Variants in STPG2 observed in about 807,000 individuals in gnomAD.
STPG2 encodes the protein sperm tail PG-rich repeat containing 2, also known as sperm-tail PG-rich repeat-containing protein 2.
In STPG2, 56 loss-of-function variants were observed where a neutral mutation model predicts 54.2. That is an observed-to-expected ratio of 1.03 (90% confidence interval 0.83 to 1.29). STPG2 has a LOEUF of 1.29. STPG2 is among the 50% of genes most tolerant of loss of function. The pLI is 0.00. For synonymous variants in STPG2, 200 were observed against 181.8 expected, an observed-to-expected ratio of 1.10 and a Z score of -0.81; for missense variants, 596 against 544.9, an observed-to-expected ratio of 1.09 and a Z score of -0.93.
intron 4 of STPG2, among the ~76,000 whole-genome samples, chr4:97,492,662 T>A (rs1730527410): frequency 6.6e-6 from 1 of 150,904 alleles, no homozygotes. Flanking sequence ...TTTTTCTATA[T>A]TTGTGAGGAG....
At position 98,128,570 on chromosome 4, in the gene STPG2, A is replaced by C. The variant is rs767920472; in HGVS notation, c.245T>G (p.Leu82Arg). ...TGAAGGAACATCAACACTTCTGGTAAGTGTAGGTGATCTTGAAATTTTCTG... is the reference window on the plus strand; with the variant it reads ...TGAAGGAACATCAACACTTCTGGTACGTGTAGGTGATCTTGAAATTTTCTG... ...EAQKISRSPT[L>R]TRSVDVPSIP... Residue 82 changes from leucine to arginine, a missense_variant, in exon 3 of 11, where the codon CTT becomes CGT. Coordinates refer to ENST00000295268, the MANE Select transcript of STPG2 (RefSeq NM_174952.3). 6.3e-7 allele frequency: 1 copy of C among 1,592,820 alleles called. No individual in the cohort carries two copies.
At chr4:97,763,308 C>G (rs181756965) in intron 9 of STPG2, among the ~76,000 whole-genome samples, 33 of 152,162 alleles carry the variant, frequency 2.2e-4, no homozygotes, top group African/African-American at 7.5e-4. Context: ...AGCATGCTGC[C>G]CTAACCTTGC....
At chr4:97,774,462 G>C (rs376386608) in intron 9 of STPG2, among the ~76,000 whole-genome samples, 1 of 152,138 alleles carries the variant, frequency 6.6e-6, no homozygotes, top group Non-Finnish European at 1.5e-5. Flanking sequence ...CAACTCGGTT[G>C]TACCATTTTG....
intron 10 of STPG2, among the ~76,000 whole-genome samples, chr4:97,648,758 G>C (rs1012076505): frequency 1.3e-5 from 2 of 152,024 alleles, no homozygotes; most frequent in African/African-American, 4.8e-5. Flanking sequence ...TACAAACTTA[G>C]TAAACTCATA....
At chr4:97,760,263 G>C (rs1725850771) in intron 9 of STPG2, among the ~76,000 whole-genome samples, 1 of 152,142 alleles carries the variant, frequency 6.6e-6, no homozygotes, top group South Asian at 2.1e-4. Flanking sequence ...CTGTGGTTTA[G>C]ATTTTACATA....
At chr4:97,879,507 T>G (rs889889050) in intron 8 of STPG2, among the ~76,000 whole-genome samples, 1 of 152,150 alleles carries the variant, frequency 6.6e-6, no homozygotes, top group East Asian at 1.9e-4. Flanking sequence ...GAAGCAAAAG[T>G]GGTTTCCCCT....
chr4:97,538,231 C>T (rs1359744084), intron 4 of STPG2, among the ~76,000 whole-genome samples: 3 of 152,034 alleles, frequency 2.0e-5, no homozygotes, highest in Non-Finnish European at 2.9e-5. Context: ...AGGCTTCAGA[C>T]AATCAAACTT....
At chr4:97,475,409 T>C (rs1385135017) in intron 4 of STPG2, among the ~76,000 whole-genome samples, 1 of 150,920 alleles carries the variant, frequency 6.6e-6, no homozygotes, top group Non-Finnish European at 1.5e-5. Flanking sequence ...CTACAATGTA[T>C]AATGTATACA....
Position 97,916,059 on chromosome 4 carries a change from T to C in STPG2, c.1044+27838A>G, listed in dbSNP as rs114119984. On this transcript the variant is annotated intron_variant, in intron 8 of 10. Transcript: ENST00000295268. ...ACTCGGCAATCACTGCATTTCATAA[T>C]GCATCAAGTAGGCTGACAATATATC... 5.7e-3 allele frequency among the ~76,000 whole-genome samples: 868 copies of C among 152,296 alleles called. 8 individuals carry two copies. The highest frequency in any genetic ancestry group is 0.02 in the African/African-American group (832 of 41,564).
chr4:97,705,282 A>C (rs1329950082), intron 10 of STPG2, among the ~76,000 whole-genome samples: 3 of 152,008 alleles, frequency 2.0e-5, no homozygotes, highest in Non-Finnish European at 2.9e-5. Context: ...TTTATATTTC[A>C]TATAAAATAC....
intron 8 of STPG2, among the ~76,000 whole-genome samples, chr4:97,897,260 A>G (rs1730992163): frequency 6.6e-6 from 1 of 151,838 alleles, no homozygotes; most frequent in African/African-American, 2.4e-5. Context: ...ATAATTGCAT[A>G]GTATTCCATG....
intron 4 of STPG2, among the ~76,000 whole-genome samples, chr4:97,502,926 C>G (rs547489987): frequency 1.1e-4 from 17 of 152,012 alleles, no homozygotes; most frequent in African/African-American, 4.1e-4. Context: ...CTTACTTCCT[C>G]CAATTGAAGC....
intron 5 of STPG2, among the ~76,000 whole-genome samples, chr4:98,055,238 A>T (rs1229220070): frequency 6.6e-6 from 1 of 152,154 alleles, no homozygotes; most frequent in Admixed American, 6.6e-5. Flanking sequence ...AAGAATTTCA[A>T]GACAGCAGTG....
chr4:97,602,703 C>T (rs1183921558), intron 10 of STPG2, among the ~76,000 whole-genome samples: 2 of 151,572 alleles, frequency 1.3e-5, no homozygotes, highest in Admixed American at 6.6e-5. Flanking sequence ...GCATGATTTT[C>T]TCTTATTTCT....
intron 10 of STPG2, among the ~76,000 whole-genome samples, chr4:97,657,578 G>A (rs1722250961): frequency 6.6e-6 from 1 of 152,148 alleles, no homozygotes; most frequent in South Asian, 2.1e-4. Flanking sequence ...CTCAGGTGGT[G>A]AATTCCCTTA....
chr4:97,608,720 C>A (rs2148912998), intron 10 of STPG2, among the ~76,000 whole-genome samples: 1 of 152,090 alleles, frequency 6.6e-6, no homozygotes, highest in Non-Finnish European at 1.5e-5. Flanking sequence ...TATTTAAAAT[C>A]TTCATTTAAA....
At chr4:97,684,022 T>C (rs1003729440) in intron 10 of STPG2, among the ~76,000 whole-genome samples, 2 of 151,784 alleles carry the variant, frequency 1.3e-5, no homozygotes, top group Non-Finnish European at 3.0e-5. Context: ...CTTGCAAAAA[T>C]AGAAACATTT....
rs772583038 is a variant in STPG2, at chr4:97,664,122, C to CTA, written c.1320+48575_1320+48576dup. Reference sequence around the variant, plus strand: ...GATATGTATAACTTATTAAGCATTACTATATAGCAGTCCTTGTTTTCCAAG... The same window carrying CTA: ...GATATGTATAACTTATTAAGCATTACTATATATAGCAGTCCTTGTTTTCCAAG... On this transcript the variant is annotated intron_variant, in intron 10 of 10. Transcript: ENST00000295268. Among the ~76,000 whole-genome samples the CTA allele has an allele frequency of 7.9e-5, 12 of 152,210 alleles. No homozygotes were observed. In the South Asian group the frequency reaches 2.3e-3, roughly 29 times the overall value.
chr4:98,064,290 C>T (rs1737755644), intron 5 of STPG2, among the ~76,000 whole-genome samples: 1 of 152,178 alleles, frequency 6.6e-6, no homozygotes, highest in Admixed American at 6.5e-5. Context: ...ACAACTTTGA[C>T]ACCATAGTTT....
Sources: gnomAD v4.1 joint callset for allele counts (sites outside exome capture counted in the v4.1 genomes callset) on GRCh38, gnomAD v4.1.1 for gene constraint, MANE v1.5 for transcripts, NCBI Gene and HGNC (gene_info 2026-07-23, HGNC 2026-07-21) for gene names.